TERB2: variants seen among roughly 807,000 people sequenced by gnomAD.
The protein encoded by TERB2 is telomere repeats-binding bouquet formation protein 2.
In TERB2, 26 loss-of-function variants were observed where a neutral mutation model predicts 29.8. The observed-to-expected ratio is 0.87, with a 90% confidence interval of 0.64 to 1.21. The LOEUF (loss-of-function observed/expected upper bound fraction) is 1.21, where lower values mean the gene tolerates loss of function less well. TERB2 is among the 50% of genes most tolerant of loss of function. The pLI is 0.00. For missense variants in TERB2, 240 were observed against 268.6 expected (o/e 0.89, Z 0.74); for synonymous variants, 80 against 90.8 (o/e 0.88, Z 0.68).
At chr15:44,960,027 G>A (rs1283094712) in intron 3 of TERB2, among the ~76,000 whole-genome samples, 1 of 152,094 alleles carries the variant, frequency 6.6e-6, no homozygotes, top group Admixed American at 6.5e-5. Context: ...GACTGGATGG[G>A]GGAATTGATT....
intron 4 of TERB2, among the ~76,000 whole-genome samples, chr15:44,964,032 AT>A (rs747368518): frequency 2.0e-5 from 3 of 151,894 alleles, no homozygotes; most frequent in Non-Finnish European, 4.4e-5. Context: ...GATGGTCTCA[AT>A]CTCCTGACCT....
chr15:44,956,924 G>A lies in TERB2; in HGVS notation c.93G>A (p.Pro31=), dbSNP rs551305197. The change falls in exon 2 of 7, where the codon CCG becomes CCA. Residue 31 remains proline, a synonymous_variant. Coordinates refer to ENST00000340827, the MANE Select transcript of TERB2 (RefSeq NM_152448.3). The part of the protein sequence containing the change: ...WVAEGGTISD[P]RAADFLFSCD... ...CTGAAGGGGGAACGATCAGTGACCC[G>A]CGAGCCGCCGACTTCTTGTTCAGCT... 5.6e-6 allele frequency: 9 copies of A among 1,614,010 alleles called. No individual in the cohort carries two copies. Among genetic ancestry groups the A allele is most frequent in the African/African-American group, 1.3e-5 (1 of 75,010 alleles).
At position 44,956,911 on chromosome 15, in the gene TERB2, C is replaced by A. The variant is rs754836260; in HGVS notation, c.80C>A (p.Thr27Lys). The change falls in exon 2 of 7, where the codon ACG becomes AAG. Residue 27 changes from threonine (T) to lysine (K), a missense_variant. Transcript: ENST00000340827. The part of the protein sequence containing the change: ...LRQFWVAEGG[T>K]ISDPRAADFL... ...ACCTCCACAGTGGCTGAAGGGGGAA[C>A]GATCAGTGACCCGCGAGCCGCCGAC... The A allele has an allele frequency of 1.2e-6, 2 of 1,613,794 alleles. No individual in the cohort carries two copies. The highest frequency in any genetic ancestry group is 2.7e-5 in the African/African-American group (2 of 74,846).
At chr15:44,963,672 G>A (rs1399371158) in intron 4 of TERB2, among the ~76,000 whole-genome samples, 2 of 151,674 alleles carry the variant, frequency 1.3e-5, no homozygotes, top group African/African-American at 2.4e-5. Flanking sequence ...ATTAGAGAGT[G>A]GAAATGTCAT....
At chr15:44,977,161 C>T (rs866043690) in intron 6 of TERB2, among the ~76,000 whole-genome samples, 28 of 152,196 alleles carry the variant, frequency 1.8e-4, no homozygotes, top group Middle Eastern at 3.4e-3. Context: ...TGAGAGCAAT[C>T]ATAGCTGGTT....
At chr15:44,960,121 C>A (rs912334192) in intron 3 of TERB2, among the ~76,000 whole-genome samples, 2 of 152,102 alleles carry the variant, frequency 1.3e-5, no homozygotes, top group Non-Finnish European at 2.9e-5. Flanking sequence ...TTTATCACTC[C>A]TATTTACTTA....
At position 44,978,836 on chromosome 15, in the gene TERB2, A is replaced by G; in HGVS notation, c.*208A>G. 2.0e-6 allele frequency: 1 copy of G among 510,868 alleles called. No individual in the cohort carries two copies. The highest frequency in any genetic ancestry group is 2.9e-6 in the Non-Finnish European group (1 of 340,320). The allele number at this position is 510,868 out of a possible 1,614,324, so 31.6% of individuals were successfully genotyped here. A position where few individuals can be genotyped will look rare whatever the true frequency, so the allele number is the denominator to read the frequency against. ...CTAGCTTTTAACAACATGTTCAAAT[A>G]TTCTCAATGCACAGTTGTTAATGAG... On this transcript the variant is annotated 3_prime_UTR_variant, in exon 7 of 7. Coordinates refer to ENST00000340827, the MANE Select transcript of TERB2 (RefSeq NM_152448.3).
intron 5 of TERB2, among the ~76,000 whole-genome samples, chr15:44,971,409 A>C (rs1484207221): frequency 6.6e-6 from 1 of 152,208 alleles, no homozygotes; most frequent in East Asian, 1.9e-4. Context: ...AGGATATTTT[A>C]ATCGATTCTC....
chr15:44,971,350 T>C (rs1307612275), intron 5 of TERB2, among the ~76,000 whole-genome samples: 3 of 152,218 alleles, frequency 2.0e-5, no homozygotes, highest in Non-Finnish European at 2.9e-5. Context: ...GTCTTATATC[T>C]ACCCATTTGG....
chr15:44,965,044 T>A (rs979529719), intron 4 of TERB2, among the ~76,000 whole-genome samples: 2 of 150,838 alleles, frequency 1.3e-5, no homozygotes, highest in African/African-American at 4.9e-5. Flanking sequence ...GCGCCTGTAA[T>A]CTCAACTACT....
chr15:44,966,647 A>C (rs555436252), intron 5 of TERB2, among the ~76,000 whole-genome samples: 2 of 152,348 alleles, frequency 1.3e-5, no homozygotes, highest in South Asian at 4.1e-4. Flanking sequence ...CTGTGTGTGA[A>C]AACCCCATCA....
intron 6 of TERB2, among the ~76,000 whole-genome samples, chr15:44,976,440 A>C (rs577825815): frequency 6.6e-6 from 1 of 152,286 alleles, no homozygotes; most frequent in East Asian, 1.9e-4. Context: ...GCCTCTCCAT[A>C]AGGACCATCC....
intron 5 of TERB2, among the ~76,000 whole-genome samples, chr15:44,967,398 A>G (rs1441526055): frequency 2.0e-5 from 3 of 152,376 alleles, no homozygotes; most frequent in Non-Finnish European, 2.9e-5. Context: ...AGAAAGAACC[A>G]CTAGCTAGAG....
At chr15:44,974,767 T>C (rs1328316954) in intron 6 of TERB2, among the ~76,000 whole-genome samples, 2 of 152,214 alleles carry the variant, frequency 1.3e-5, no homozygotes, top group African/African-American at 4.8e-5. Context: ...TTTGAAAGCT[T>C]ATTTAAAAAA....
At chr15:44,976,657 G>C (rs570445642) in intron 6 of TERB2, among the ~76,000 whole-genome samples, 12 of 152,086 alleles carry the variant, frequency 7.9e-5, no homozygotes, top group Non-Finnish European at 1.6e-4. Context: ...GGATCAGTTG[G>C]GGCCACTGGG....
chr15:44,973,008 G>A (rs1480810932), intron 5 of TERB2, among the ~76,000 whole-genome samples: 3 of 150,666 alleles, frequency 2.0e-5, no homozygotes, highest in Admixed American at 6.6e-5. Context: ...TCAACCTTCC[G>A]AGTAGCTGGG....
At chr15:44,969,830 G>A (rs1891942809) in intron 5 of TERB2, among the ~76,000 whole-genome samples, 1 of 151,086 alleles carries the variant, frequency 6.6e-6, no homozygotes, top group African/African-American at 2.4e-5. Flanking sequence ...GCATATATCT[G>A]TTTCTTAGAA....
Position 44,966,160 on chromosome 15 carries a change from T to G in TERB2, c.351T>G (p.His117Gln), listed in dbSNP as rs77861669. ...GTGATTTACTTTTCTATCCACAGCA[T>G]GATGAAGTAACACCAAATGAAATAA... ...EQDQHFLIEKHDEVTPNEIKT... is the reference protein window; with the variant it reads ...EQDQHFLIEKQDEVTPNEIKT... Residue 117 changes from histidine (H) to glutamine (Q), a missense_variant and splice_region_variant, in exon 5 of 7, where the codon CAT (histidine) becomes CAG (glutamine). Physicochemically the swap from His to Gln is conservative, Grantham distance 24. Transcript: ENST00000340827. The G allele has an allele frequency of 0.016, 24,594 of 1,525,950 alleles. 249 individuals are homozygous for G. The highest frequency in any genetic ancestry group is 0.035 in the Admixed American group (1,568 of 45,382). The allele number at this position is 1,525,950 out of a possible 1,614,324, so 94.5% of individuals were successfully genotyped here.
intron 4 of TERB2, among the ~76,000 whole-genome samples, chr15:44,965,570 T>G (rs1485787128): frequency 6.9e-6 from 1 of 144,196 alleles, no homozygotes; most frequent in Non-Finnish European, 1.5e-5. Flanking sequence ...TATCTATATA[T>G]TATATAAATC....
Sources: allele counts gnomAD v4.1 joint callset (sites outside exome capture counted in the v4.1 genomes callset), GRCh38; gene constraint gnomAD v4.1.1; transcripts MANE v1.5; gene names NCBI Gene and HGNC (gene_info 2026-07-23, HGNC 2026-07-21).